Variants in CATSPERD observed in about 807,000 individuals in gnomAD.
The protein encoded by CATSPERD is cation channel sperm-associated auxiliary subunit delta.
CATSPERD carries 86 observed loss-of-function variants against 98.1 expected under a neutral mutation model. That is an observed-to-expected ratio of 0.88 (90% CI 0.74 to 1.05). CATSPERD has a LOEUF of 1.05. CATSPERD is among the 50% of genes least tolerant of loss of function. The pLI is 0.00. For missense variants in CATSPERD, 995 were observed against 1,005.7 expected (o/e 0.99, Z 0.14); for synonymous variants, 394 against 390.2 (o/e 1.01, Z -0.12).
At chr19:5,778,293 G>C (rs900095530) in intron 21 of CATSPERD, 83 bp from the exon 22 acceptor site, 87 of 1,267,378 alleles carry the variant, frequency 6.9e-5, no homozygotes, top group Non-Finnish European at 8.9e-5. Flanking sequence ...CCCTCCTGTG[G>C]GTCTGAACAC....
chr19:5,756,721 G>T (rs1249347209), intron 13 of CATSPERD, among the ~76,000 whole-genome samples: 1 of 151,226 alleles, frequency 6.6e-6, no homozygotes. Flanking sequence ...GAGGTGGGGG[G>T]ATTGCCTAAG....
chr19:5,776,311 T>A lies in CATSPERD; in HGVS notation c.2092T>A (p.Tyr698Asn), dbSNP rs753243534. ...CTACATTTCGATCGTGGATCCGTAC[T>A]ACAGGTGAGTGGGCCCATCTGCCCC... ...VFYISIVDPYYSYCQLETIFS... is the reference protein window; with the variant it reads ...VFYISIVDPYNSYCQLETIFS... The change falls in exon 21 of 22, where the codon TAC becomes AAC. Residue 698 changes from tyrosine to asparagine, a missense_variant. Around this residue, in one of 3 missense-constraint regions of CATSPERD, gnomAD observed 762 missense variants for 773.7 expected, o/e 0.98. Transcript: ENST00000381624. 1.2e-6 allele frequency: 2 copies of A among 1,614,112 alleles called. No homozygotes were observed. Among genetic ancestry groups the A allele is most frequent in the Admixed American group, 3.3e-5 (2 of 60,010 alleles).
intron 16 of CATSPERD, among the ~76,000 whole-genome samples, chr19:5,765,739 G>C (rs796571213): frequency 3.9e-5 from 6 of 152,148 alleles, no homozygotes; most frequent in African/African-American, 1.2e-4. Flanking sequence ...TTGAACCCAG[G>C]GGGAGGATGT....
rs150299576 is a variant in CATSPERD, at chr19:5,761,351, G to T, written c.1428-1864G>T. ...TCCTGACCTCAGGTGGTCCGTCCGC[G>T]TCAGCCTCCCAAAGTGCTAGAATTA... On this transcript the variant is annotated intron_variant, in intron 15 of 21. Coordinates refer to ENST00000381624, the MANE Select transcript of CATSPERD (RefSeq NM_152784.4). Among the ~76,000 whole-genome samples, 515 of 146,318 alleles carry T rather than the reference G, an allele frequency of 3.5e-3. 2 individuals carry two copies. The highest frequency in any genetic ancestry group is 0.012 in the African/African-American group (480 of 39,790).
At position 5,759,216 on chromosome 19, in the gene CATSPERD, C is replaced by G. The variant is rs1461541956; in HGVS notation, c.1427+72C>G. On this transcript the variant is annotated intron_variant, in intron 15 of 21. Coordinates refer to ENST00000381624, the MANE Select transcript of CATSPERD (RefSeq NM_152784.4). ...TTTCCTTAGCAGGAGCGAAGAGAAG[C>G]AGGTCTGAGATCAGACCCCCAGCTC... 8.6e-6 allele frequency: 12 copies of G among 1,395,172 alleles called. No homozygotes were observed. In the East Asian group the frequency reaches 2.5e-4, roughly 29 times the overall value. The allele number at this position is 1,395,172 out of a possible 1,614,324, so 86.4% of individuals were successfully genotyped here.
rs56194979 is a variant in CATSPERD at position 5,720,785 on chromosome 19, G to T, written c.48G>T (p.Pro16=). The change falls in exon 1 of 22, where the codon CCG becomes CCT. Residue 16 remains proline, a synonymous_variant. Coordinates refer to ENST00000381624, the MANE Select transcript of CATSPERD (RefSeq NM_152784.4). ...LVAAVTMWLR[P]LVTAQLCRSR... ...CGGCTGTGACCATGTGGCTCCGACC[G>T]CTGGTCACAGCTCAGCTCTGTCGGT... 2.9e-4 allele frequency: 469 copies of T among 1,601,444 alleles called. 2 individuals are homozygous for T. The African/African-American group carries it at 5.7e-3, about 19-fold the overall frequency.
In CATSPERD at chr19:5,771,071, C is replaced by T. The variant is rs376750556; in HGVS notation, c.1762C>T (p.Leu588=). The T allele has an allele frequency of 2.7e-5, 44 of 1,612,764 alleles. No individual in the cohort carries two copies. The highest frequency in any genetic ancestry group is 3.6e-5 in the Non-Finnish European group (43 of 1,179,470). Residue 588 remains leucine (L), a splice_region_variant and synonymous_variant, in exon 19 of 22, where the codon CTG becomes TTG. Coordinates refer to ENST00000381624, the MANE Select transcript of CATSPERD (RefSeq NM_152784.4). ...YDTLWKPVVE[L]WRKDSFQEVI... is the part of the protein sequence containing the mutation. Reference sequence around the variant, plus strand: ...CACCCTATGGAAGCCCGTGGTGGAGCTGTAAGACCCCAGGGGGGTGCTGCA... The same window carrying T: ...CACCCTATGGAAGCCCGTGGTGGAGTTGTAAGACCCCAGGGGGGTGCTGCA...
At chr19:5,754,350 C>T (rs1002770507) in intron 13 of CATSPERD, 105 bp downstream of exon 13, 1 of 688,296 alleles carries the variant, frequency 1.5e-6, no homozygotes, top group Non-Finnish European at 2.6e-6. Context: ...AGGAGAGACG[C>T]TACTCGCACA....
chr19:5,761,397 C>T (rs187168119), intron 15 of CATSPERD, among the ~76,000 whole-genome samples: 1 of 28,384 alleles, frequency 3.5e-5, no homozygotes, highest in Non-Finnish European at 8.2e-5. Flanking sequence ...CCACCGCACC[C>T]GGCCAGTGTT....
At chr19:5,762,058 A>ATATATATATATATATATATTTTTT in intron 15 of CATSPERD, among the ~76,000 whole-genome samples, 14 of 10,432 alleles carry the variant, frequency 1.3e-3, no homozygotes, top group East Asian at 2.9e-3. Flanking sequence ...ATATATATAT[A>ATATATATATATATATATATTTTTT]TTTTTTTTTT....
chr19:5,770,704 C>G (rs2056627772), intron 18 of CATSPERD, among the ~76,000 whole-genome samples: 1 of 152,138 alleles, frequency 6.6e-6, no homozygotes, highest in South Asian at 2.1e-4. Context: ...TTGCTTGGGC[C>G]CAGGAGGTGG....
At chr19:5,732,975 C>T (rs2436533) in intron 4 of CATSPERD, among the ~76,000 whole-genome samples, 5 of 151,546 alleles carry the variant, frequency 3.3e-5, no homozygotes, top group Admixed American at 1.3e-4. Context: ...CCATGCTCGG[C>T]CATAAATGTT....
rs78781569 is a variant in CATSPERD, at chr19:5,727,298, C to T, written c.157C>T (p.Arg53Cys). ...DRLYFHPTTT[R>C]LIKHPCEKNI... ...CCTGTATTTTCATCCTACAACAACA[C>T]GCTTGATTAAACATCCTTGCGAGAA... Residue 53 changes from arginine to cysteine, a missense_variant, in exon 3 of 22, where the codon CGC (arginine) becomes TGC (cysteine). By Grantham distance (180) the Arg-to-Cys change is radical. This residue lies in a region of CATSPERD where 228 missense variants were observed against 209.6 expected (regional missense o/e 1.09). Coordinates refer to ENST00000381624, the MANE Select transcript of CATSPERD (RefSeq NM_152784.4). The T allele has an allele frequency of 3.3e-3, 5,323 of 1,613,606 alleles. 144 individuals are homozygous for T. In the African/African-American group the frequency reaches 0.061, roughly 18 times the overall value.
In CATSPERD at chr19:5,776,229, C is replaced by A. The variant is rs1385009239; in HGVS notation, c.2010C>A (p.Ile670=). The A allele has an allele frequency of 6.2e-7, 1 of 1,614,092 alleles. No homozygotes were observed. The highest frequency in any genetic ancestry group is 8.5e-7 in the Non-Finnish European group (1 of 1,180,038). ...GGTGGCCAGACGTCCAGTATCAGATCTTGGGCGGCCGGACAGCAAACCAGA... is the reference window on the plus strand; with the variant it reads ...GGTGGCCAGACGTCCAGTATCAGATATTGGGCGGCCGGACAGCAAACCAGA... The part of the protein sequence containing the change: ...PLRWPDVQYQ[I]LGGRTANQII... Residue 670 remains isoleucine, a synonymous_variant, in exon 21 of 22, where the codon ATC becomes ATA. Transcript: ENST00000381624.
intron 13 of CATSPERD, 138 bp downstream of exon 13, chr19:5,754,383 G>T: frequency 4.5e-4 from 165 of 365,356 alleles, no homozygotes; most frequent in Middle Eastern, 8.3e-4. Context: ...CATAGAAATT[G>T]TCTCTGTGTC....
chr19:5,748,135 AT>A lies in CATSPERD; in HGVS notation c.809-24del. ...TTTCCCAGGATGTACACGGGGCCTC[AT>A]GCACCTGTCCTGTTACCTCCTAGGT... On this transcript the variant is annotated intron_variant, in intron 9 of 21. Coordinates refer to ENST00000381624, the MANE Select transcript of CATSPERD (RefSeq NM_152784.4). The A allele has an allele frequency of 1.9e-6, 3 of 1,596,678 alleles. No homozygotes were observed. In the South Asian group the frequency reaches 3.3e-5, roughly 18 times the overall value.
At chr19:5,744,755 C>CAT in intron 8 of CATSPERD, among the ~76,000 whole-genome samples, 1 of 151,974 alleles carries the variant, frequency 6.6e-6, no homozygotes, top group Non-Finnish European at 1.5e-5. Context: ...CTCGTGCCAC[C>CAT]GCGCCTGGCT....
At chr19:5,752,825 C>G (rs967559031) in intron 12 of CATSPERD, among the ~76,000 whole-genome samples, 2 of 151,772 alleles carry the variant, frequency 1.3e-5, no homozygotes, top group Non-Finnish European at 1.5e-5. Context: ...GTCAGGGGTT[C>G]GAGAGCAGCC....
Position 5,760,673 on chromosome 19 carries a change from T to C in CATSPERD, c.1427+1529T>C, listed in dbSNP as rs375925939. Among the ~76,000 whole-genome samples the C allele has an allele frequency of 1.9e-3, 288 of 152,146 alleles. 1 individual carries two copies. Among genetic ancestry groups the C allele is most frequent in the African/African-American group, 6.2e-3 (259 of 41,526 alleles). The stretch of plus-strand genomic sequence containing the variant: ...AACTTCTGGAGATGGATGGTGGTGA[T>C]GGTTGCACAACTCTGTGAATGTAGT... On this transcript the variant is annotated intron_variant, in intron 15 of 21. Transcript: ENST00000381624.
Sources: gnomAD v4.1 joint callset for allele counts (sites outside exome capture counted in the v4.1 genomes callset) on GRCh38, gnomAD v4.1.1 for gene constraint, gnomAD v4.1.1 regional missense constraint, MANE v1.5 for transcripts, NCBI Gene and HGNC (gene_info 2026-07-23, HGNC 2026-07-21) for gene names.